The following SYN3 variants were observed in gnomAD, a reference collection of about 807,000 sequenced individuals.
SYN3 encodes the protein synapsin-3.
Under a neutral mutation model 65.8 loss-of-function variants are expected in SYN3, and 35 were observed. That is an observed-to-expected ratio of 0.53 (90% confidence interval 0.41 to 0.70). The LOEUF (loss-of-function observed/expected upper bound fraction) is 0.70. SYN3 is among the 30% of genes least tolerant of loss of function. The pLI is 0.00. For missense variants in SYN3, 680 were observed against 749.0 expected (o/e 0.91, Z 1.08); for synonymous variants, 270 against 292.9 (o/e 0.92, Z 0.80).
chr22:32,724,011 C>A (rs766970100), intron 6 of SYN3, among the ~76,000 whole-genome samples: 3 of 152,236 alleles, frequency 2.0e-5, no homozygotes, highest in Non-Finnish European at 4.4e-5. Context: ...ATTAGACACA[C>A]AGAAAGCTAG....
At position 32,894,172 on chromosome 22, in the gene SYN3, T is replaced by C. The variant is rs141886624; in HGVS notation, c.462-25047A>G. ...AAACTGAGAGCAAGGGCCTGGTGAA[T>C]CACTGCTAAGAAACAGAAATTGGAG... On this transcript the variant is annotated intron_variant, in intron 4 of 13. Coordinates refer to ENST00000358763, the MANE Select transcript of SYN3 (RefSeq NM_003490.4). Among the ~76,000 whole-genome samples, 819 of 147,244 alleles carry C rather than the reference T, an allele frequency of 5.6e-3. 5 individuals are homozygous for C. The highest frequency in any genetic ancestry group is 0.028 in the Middle Eastern group (8 of 288).
At chr22:32,840,184 AGT>A (rs2047853350) in intron 6 of SYN3, among the ~76,000 whole-genome samples, 1 of 152,106 alleles carries the variant, frequency 6.6e-6, no homozygotes, top group South Asian at 2.1e-4. Context: ...AGATTTTCTG[AGT>A]GTGTGTCTTT....
At chr22:32,943,518 G>A (rs886346538) in intron 3 of SYN3, among the ~76,000 whole-genome samples, 5 of 152,164 alleles carry the variant, frequency 3.3e-5, no homozygotes, top group African/African-American at 1.2e-4. Flanking sequence ...GACCATCGAT[G>A]CTAGGAAGAA....
chr22:32,876,886 G>A (rs2048998426), intron 4 of SYN3, among the ~76,000 whole-genome samples: 1 of 152,202 alleles, frequency 6.6e-6, no homozygotes, highest in South Asian at 2.1e-4. Context: ...TTATATCGCA[G>A]TTTGTGCATT....
intron 4 of SYN3, among the ~76,000 whole-genome samples, chr22:32,917,832 C>T (rs1016753299): frequency 6.6e-6 from 1 of 152,258 alleles, no homozygotes; most frequent in African/African-American, 2.4e-5. Context: ...TTTACAGGCT[C>T]ACACTGCCTC....
intron 6 of SYN3, among the ~76,000 whole-genome samples, chr22:32,646,573 A>G (rs567368188): frequency 6.6e-6 from 1 of 152,326 alleles, no homozygotes; most frequent in Admixed American, 6.5e-5. Flanking sequence ...AGAGGGATAA[A>G]GAAGGAGCAG....
intron 6 of SYN3, among the ~76,000 whole-genome samples, chr22:32,727,014 T>C (rs1261988161): frequency 6.6e-6 from 1 of 151,804 alleles, no homozygotes; most frequent in African/African-American, 2.4e-5. Context: ...AGTTCAGGGA[T>C]ACATGTGCAG....
chr22:32,856,743 A>G (rs888235145), intron 6 of SYN3, among the ~76,000 whole-genome samples: 1 of 152,176 alleles, frequency 6.6e-6, no homozygotes, highest in African/African-American at 2.4e-5. Context: ...TACTGATTCA[A>G]TGAACACTGG....
Position 32,596,707 on chromosome 22 carries a change from G to A in SYN3, c.741C>T (p.Val247=). ...TTCCAGCGTGGGCATGTCCCAGCTT[G>A]ACTACCACCGGGAAGTGTGGGGCTG... is the stretch of plus-strand genomic sequence containing the variant. The part of the protein sequence containing the change: ...MVTAPHFPVV[V]KLGHAHAGMG... The change falls in exon 7 of 14, where the codon GTC becomes GTT. Residue 247 remains valine (V), a synonymous_variant. Transcript: ENST00000358763. 6.2e-7 allele frequency: 1 copy of A among 1,614,038 alleles called. No individual in the cohort carries two copies. The highest frequency in any genetic ancestry group is 2.2e-5 in the East Asian group (1 of 44,878).
In SYN3 at chr22:32,979,187, CA is replaced by C. The variant is rs35720827; in HGVS notation, c.369+1457del. ...TGGGCAAGAGAGTGAGACTCCATCTCAAAAAAAAAAAAAAAAGAAAGAAAGA... is the reference window on the plus strand; with the variant it reads ...TGGGCAAGAGAGTGAGACTCCATCTCAAAAAAAAAAAAAAAGAAAGAAAGA... On this transcript the variant is annotated intron_variant, in intron 3 of 13. Transcript: ENST00000358763. 5.8e-3 allele frequency among the ~76,000 whole-genome samples: 516 copies of C among 88,746 alleles called. 2 individuals are homozygous for C. Among genetic ancestry groups the C allele is most frequent in the Middle Eastern group, 0.018 (3 of 168 alleles). The allele number at this position is 88,746 out of a possible 152,430, so 58.2% of individuals were successfully genotyped here. A position where few individuals can be genotyped will look rare whatever the true frequency, so the allele number is the denominator to read the frequency against.
chr22:32,977,983 G>C (rs1255874098), intron 3 of SYN3, among the ~76,000 whole-genome samples: 1 of 152,176 alleles, frequency 6.6e-6, no homozygotes, highest in Non-Finnish European at 1.5e-5. Context: ...AAGTTGAGGA[G>C]CTATGAAAGG....
At chr22:32,767,845 C>T (rs2045669461) in intron 6 of SYN3, among the ~76,000 whole-genome samples, 1 of 152,170 alleles carries the variant, frequency 6.6e-6, no homozygotes, top group South Asian at 2.1e-4. Flanking sequence ...ACTTCCTTCT[C>T]TTGTTGATCT....
chr22:32,527,836 G>T (rs1380568808), intron 12 of SYN3, 82 bp downstream of exon 12: 6 of 1,209,756 alleles, frequency 5.0e-6, no homozygotes, highest in Non-Finnish European at 7.1e-6. Context: ...AGAGCCCCTT[G>T]TGGGAATCAC....
chr22:32,756,510 G>A (rs1047905277), intron 6 of SYN3, among the ~76,000 whole-genome samples: 3 of 152,164 alleles, frequency 2.0e-5, no homozygotes, highest in East Asian at 1.9e-4. Flanking sequence ...TATACATGCC[G>A]ACTGATATAG....
intron 7 of SYN3, among the ~76,000 whole-genome samples, chr22:32,543,473 C>T (rs923277547): frequency 1.3e-5 from 2 of 152,178 alleles, no homozygotes; most frequent in African/African-American, 4.8e-5. Flanking sequence ...CTCTTCTTGG[C>T]TCTCTGAGTG....
chr22:32,612,178 A>G (rs1294678071), intron 6 of SYN3, among the ~76,000 whole-genome samples: 1 of 152,172 alleles, frequency 6.6e-6, no homozygotes, highest in African/African-American at 2.4e-5. Flanking sequence ...ATAATAAACC[A>G]ATAAATATAA....
chr22:32,956,801 T>C (rs11704480), intron 3 of SYN3, among the ~76,000 whole-genome samples: 29,007 of 152,116 alleles, frequency 0.19, 3,390 homozygotes, highest in Non-Finnish European at 0.26. Flanking sequence ...TTCCCAGAAG[T>C]AGAATTGCTG....
At chr22:32,703,902 G>A (rs1258757720) in intron 6 of SYN3, among the ~76,000 whole-genome samples, 1 of 151,716 alleles carries the variant, frequency 6.6e-6, no homozygotes, top group Non-Finnish European at 1.5e-5. Context: ...TTTGGTTGGA[G>A]GTACATAATT....
At chr22:32,643,626 G>T (rs1420025966) in intron 6 of SYN3, among the ~76,000 whole-genome samples, 1 of 148,248 alleles carries the variant, frequency 6.7e-6, no homozygotes, top group Admixed American at 6.8e-5. Flanking sequence ...AAGAGTTATA[G>T]TAGAAATAAA....
Sources: allele counts gnomAD v4.1 joint callset (sites outside exome capture counted in the v4.1 genomes callset), GRCh38; gene constraint gnomAD v4.1.1; transcripts MANE v1.5; gene names NCBI Gene and HGNC (gene_info 2026-07-23, HGNC 2026-07-21).